SPG7: variants seen among roughly 807,000 people sequenced by gnomAD.
The protein encoded by SPG7 is mitochondrial inner membrane m-AAA protease component paraplegin.
In SPG7, 103 loss-of-function variants were observed where a neutral mutation model predicts 81.9. The ratio of observed to expected loss-of-function variants is 1.26; its 90% CI spans 1.07 to 1.48. SPG7 has a LOEUF of 1.48. SPG7 is among the 40% of genes most tolerant of loss of function. The pLI is 0.00. For missense variants in SPG7, 1,241 were observed against 1,087.3 expected (o/e 1.14, Z -1.99); for synonymous variants, 534 against 444.2 (o/e 1.20, Z -2.54).
intron 5 of SPG7, 54 bp downstream of exon 5, chr16:89,526,522 T>C (rs957727453): frequency 1.7e-5 from 27 of 1,605,550 alleles, no homozygotes; most frequent in Non-Finnish European, 2.2e-5. Flanking sequence ...GGCTTTGTAA[T>C]CTGAGAAACA....
Position 89,512,960 on chromosome 16 carries a change from A to G in SPG7, c.299A>G (p.Tyr100Cys). Residue 100 changes from tyrosine to cysteine, a missense_variant, in exon 3 of 17, where the codon TAT becomes TGT. Coordinates refer to ENST00000645818, the MANE Select transcript of SPG7 (RefSeq NM_003119.4). ...CTATTTCTCATAGGTGGTACTTTCT[A>G]TTTTAACACCTCAAGGTTGAAGCAG... ...RLWQLLGGTF[Y>C]FNTSRLKQKN... 1.2e-6 allele frequency: 2 copies of G among 1,613,522 alleles called. No homozygotes were observed. Among genetic ancestry groups the G allele is most frequent in the African/African-American group, 1.3e-5 (1 of 75,018 alleles).
intron 3 of SPG7, chr16:89,516,704 CAA>C (rs80184749): frequency 1.2e-4 from 14 of 120,774 alleles, no homozygotes; most frequent in Admixed American, 3.4e-4. Flanking sequence ...ACTAAAAATA[CAA>C]AAAAAAAAAA....
intron 16 of SPG7, 30 bp downstream of exon 16, chr16:89,554,593 G>T: frequency 6.5e-7 from 1 of 1,527,056 alleles, no homozygotes; most frequent in South Asian, 1.1e-5. Flanking sequence ...TGGGGGCTAC[G>T]GCGTCACACA....
rs2058663782 is a variant in SPG7 at position 89,554,036 on chromosome 16, C to T, written c.2103+76C>T. The T allele has an allele frequency of 8.0e-6, 12 of 1,506,458 alleles. No individual in the cohort carries two copies. In the Admixed American group the frequency reaches 1.5e-4, roughly 19 times the overall value. 93.3% of individuals were successfully genotyped at this position (1,506,458 alleles called of 1,614,324 possible). The stretch of plus-strand genomic sequence containing the variant: ...GTCCCTGGGTCTACCACACAAGGGT[C>T]GCCCACGGCCGCCCCAGCGGAGCTC... On this transcript the variant is annotated intron_variant, in intron 15 of 16. Transcript: ENST00000645818.
Position 89,557,489 on chromosome 16 carries a change from T to G in SPG7, c.*396T>G. ...GACCGCCCCAGTTCCTGTGGCTCCC[T>G]CGGAATGCTAAGGGGATCGGACATG... On this transcript the variant is annotated 3_prime_UTR_variant, in exon 17 of 17. Coordinates refer to ENST00000645818, the MANE Select transcript of SPG7 (RefSeq NM_003119.4). 1 of 279,284 alleles carries G rather than the reference T, an allele frequency of 3.6e-6. No individual in the cohort carries two copies. The allele number at this position is 279,284 out of a possible 1,614,324, so 17.3% of individuals were successfully genotyped here.
intron 2 of SPG7, among the ~76,000 whole-genome samples, chr16:89,511,457 CCTAA>C (rs1203820570): frequency 5.3e-5 from 8 of 152,350 alleles, no homozygotes; most frequent in Non-Finnish European, 1.2e-4. Flanking sequence ...TATTTCTACT[CCTAA>C]CTAACATTAA....
intron 9 of SPG7, among the ~76,000 whole-genome samples, chr16:89,535,304 C>T (rs1263796694): frequency 2.0e-5 from 3 of 152,172 alleles, no homozygotes; most frequent in African/African-American, 4.8e-5. Context: ...GGGTGCCCCG[C>T]GTTCCCGTCT....
chr16:89,515,740 G>A (rs969948366), intron 3 of SPG7, among the ~76,000 whole-genome samples: 8 of 149,954 alleles, frequency 5.3e-5, no homozygotes, highest in African/African-American at 1.7e-4. Context: ...ATGGGGTCTC[G>A]CTCTGTCGCC....
chr16:89,537,253 C>G, intron 9 of SPG7: 1 of 1,395,174 alleles, frequency 7.2e-7, no homozygotes, highest in Non-Finnish European at 9.3e-7. Flanking sequence ...GTTACGTCAG[C>G]CGGTCCATGG....
Position 89,544,660 on chromosome 16 carries a change from C to G in SPG7, c.1337C>G (p.Thr446Arg), listed in dbSNP as rs959015320. The change falls in exon 10 of 17, where the codon ACA becomes AGA. Residue 446 changes from threonine (T) to arginine (R), a missense_variant. By Grantham distance (71) the Thr-to-Arg change is moderately conservative. Transcript: ENST00000645818. ...LLVEMDGMGT[T>R]DHVIVLASTN... The stretch of plus-strand genomic sequence containing the variant: ...TCTGTCCCCTCAGGAATGGGTACCA[C>G]AGACCATGTCATCGTCCTGGCGTCC... 6.2e-7 allele frequency: 1 copy of G among 1,614,106 alleles called. No homozygotes were observed. The highest frequency in any genetic ancestry group is 1.1e-5 in the South Asian group (1 of 91,088).
chr16:89,526,504 C>T, intron 5 of SPG7, 36 bp downstream of exon 5: 2 of 1,613,168 alleles, frequency 1.2e-6, no homozygotes, highest in Non-Finnish European at 1.7e-6. Context: ...TTGAACTAAA[C>T]CTAACTTGGC....
chr16:89,555,864 T>G (rs904066395), intron 16 of SPG7: 8 of 398,582 alleles, frequency 2.0e-5, no homozygotes. Context: ...CAGCCTCCCC[T>G]TGTGTCTTTC....
At position 89,536,063 on chromosome 16, in the gene SPG7, G is replaced by C. The variant is rs12443842; in HGVS notation, c.1324+3427G>C. On this transcript the variant is annotated intron_variant, in intron 9 of 16. Coordinates refer to ENST00000645818, the MANE Select transcript of SPG7 (RefSeq NM_003119.4). The stretch of plus-strand genomic sequence containing the variant: ...CCTCTCTGGTGCTGTGTGGCCTTCA[G>C]TGTGGCCGCTCTGGTGCTGTGTGGC... 3.2e-3 allele frequency among the ~76,000 whole-genome samples: 454 copies of C among 140,148 alleles called. 1 individual carries two copies. Among genetic ancestry groups the C allele is most frequent in the African/African-American group, 0.012 (425 of 34,376 alleles). 91.9% of individuals were successfully genotyped at this position (140,148 alleles called of 152,430 possible).
intron 16 of SPG7, chr16:89,556,385 G>A (rs1377680020): frequency 3.5e-6 from 1 of 284,018 alleles, no homozygotes; most frequent in African/African-American, 2.2e-5. Context: ...AGTGTTTTCT[G>A]TGGTCTGGCC....
intron 3 of SPG7, among the ~76,000 whole-genome samples, chr16:89,515,979 G>C (rs1036434763): frequency 1.3e-5 from 2 of 151,758 alleles, no homozygotes; most frequent in African/African-American, 2.4e-5. Context: ...AAAGTGCTGG[G>C]ATTACAGGTG....
At chr16:89,537,197 T>C in intron 9 of SPG7, 1 of 1,432,168 alleles carries the variant, frequency 7.0e-7, no homozygotes, top group Non-Finnish European at 9.1e-7. Context: ...GCTGTGCCGG[T>C]CGTGGGGAAA....
intron 13 of SPG7, 25 bp from the exon 14 acceptor site, chr16:89,552,954 C>T (rs749497498): frequency 2.2e-5 from 36 of 1,612,750 alleles, no homozygotes; most frequent in East Asian, 4.5e-5. Context: ...GCCTACTGAC[C>T]TGGGTCATCT....
chr16:89,554,443 A>T, intron 15 of SPG7, 43 bp from the exon 16 acceptor site: 1 of 1,387,946 alleles, frequency 7.2e-7, no homozygotes, highest in Non-Finnish European at 1.0e-6. Flanking sequence ...TGCTGGAGCC[A>T]GGCGGCCAGC....
intron 9 of SPG7, among the ~76,000 whole-genome samples, chr16:89,535,501 C>T (rs557715993): frequency 1.4e-3 from 213 of 152,346 alleles, no homozygotes; most frequent in African/African-American, 4.8e-3. Flanking sequence ...TCTCTCAACA[C>T]GCTTATTCAG....
Sources: gnomAD v4.1 joint callset for allele counts (sites outside exome capture counted in the v4.1 genomes callset) on GRCh38, gnomAD v4.1.1 for gene constraint, MANE v1.5 for transcripts, NCBI Gene and HGNC (gene_info 2026-07-23, HGNC 2026-07-21) for gene names.